Variants in GFRA1 observed in about 807,000 individuals in gnomAD.
GFRA1 encodes GDNF family receptor alpha-1.
A neutral mutation model predicts 51.6 loss-of-function variants in GFRA1; 16 were observed. The observed-to-expected ratio is 0.31, with a 90% CI of 0.21 to 0.47. The LOEUF is 0.47. Among genes scored for constraint, GFRA1 ranks in the 20% least tolerant of loss-of-function variants. The pLI, the probability that GFRA1 is intolerant of heterozygous loss-of-function variation, is 1.00. For synonymous variants in GFRA1, 270 were observed against 241.3 expected, an observed-to-expected ratio of 1.12 and a Z score of -1.10; for missense variants, 530 against 594.3, an observed-to-expected ratio of 0.89 and a Z score of 1.13.
intron 6 of GFRA1, among the ~76,000 whole-genome samples, chr10:116,107,687 A>G (rs1482307765): frequency 6.6e-6 from 1 of 152,168 alleles, no homozygotes; most frequent in Admixed American, 6.5e-5. Context: ...TTCATTTAAG[A>G]AGGTGCTGTC....
chr10:116,262,121 A>G (rs1969345902), intron 4 of GFRA1, among the ~76,000 whole-genome samples: 3 of 152,234 alleles, frequency 2.0e-5, no homozygotes, highest in African/African-American at 7.2e-5. Flanking sequence ...GAAATACTTC[A>G]GAGGACTAAG....
intron 5 of GFRA1, among the ~76,000 whole-genome samples, chr10:116,202,638 T>C (rs1964427581): frequency 6.6e-6 from 1 of 152,098 alleles, no homozygotes; most frequent in African/African-American, 2.4e-5. Context: ...AGCAAGCATG[T>C]CTTACCATGG....
At chr10:116,077,691 T>C (rs1238110850) in intron 9 of GFRA1, among the ~76,000 whole-genome samples, 1 of 152,224 alleles carries the variant, frequency 6.6e-6, no homozygotes, top group Non-Finnish European at 1.5e-5. Flanking sequence ...TTTGCTACAA[T>C]GCAAACATGC....
intron 4 of GFRA1, among the ~76,000 whole-genome samples, chr10:116,220,920 CT>C (rs1416488754): frequency 2.6e-5 from 4 of 151,992 alleles, no homozygotes; most frequent in Admixed American, 6.5e-5. Context: ...TGTACATCTC[CT>C]TGGTGCCCTA....
chr10:116,091,781 G>A (rs532306855), intron 8 of GFRA1, among the ~76,000 whole-genome samples: 21 of 152,258 alleles, frequency 1.4e-4, no homozygotes, highest in Admixed American at 1.3e-3. Flanking sequence ...TGTGTCTTTG[G>A]GGCTCTGTGC....
intron 5 of GFRA1, among the ~76,000 whole-genome samples, chr10:116,135,812 A>G (rs1442756859): frequency 6.6e-6 from 1 of 152,160 alleles, no homozygotes; most frequent in African/African-American, 2.4e-5. Context: ...TCATAAAACC[A>G]TAATTGGATT....
intron 5 of GFRA1, among the ~76,000 whole-genome samples, chr10:116,197,010 G>C (rs1439875612): frequency 6.6e-6 from 1 of 151,054 alleles, no homozygotes; most frequent in African/African-American, 2.4e-5. Context: ...TCTTCATGTG[G>C]CCTTCTCTCC....
At chr10:116,100,053 T>C (rs1956757346) in intron 6 of GFRA1, among the ~76,000 whole-genome samples, 1 of 152,340 alleles carries the variant, frequency 6.6e-6, no homozygotes, top group Admixed American at 6.5e-5. Context: ...AAGGTTTTAC[T>C]ATTACACAGC....
At chr10:116,123,605 G>C (rs528820531) in intron 6 of GFRA1, among the ~76,000 whole-genome samples, 2 of 152,254 alleles carry the variant, frequency 1.3e-5, no homozygotes, top group East Asian at 3.9e-4. Flanking sequence ...TTCTGCTCTT[G>C]GCTTTTTAGA....
intron 4 of GFRA1, among the ~76,000 whole-genome samples, chr10:116,251,963 C>CT (rs3032041): frequency 0.012 from 975 of 79,798 alleles, 36 homozygotes; most frequent in African/African-American, 0.034. Context: ...CAATAGGCCT[C>CT]TTTTTTTTTT....
Position 116,057,374 on chromosome 10 carries a change from A to G in GFRA1, c.*7024T>C, listed in dbSNP as rs1954592352. ...GTCTGAACCCCTCACTCAGGAATGA[A>G]TTCTAAAAATACCCTAAAAATCAGA... On this transcript the variant is annotated 3_prime_UTR_variant, in exon 11 of 11. Transcript: ENST00000355422. The G allele has an allele frequency of 6.6e-6, 1 of 152,164 alleles. No homozygotes were observed. Among genetic ancestry groups the G allele is most frequent in the Non-Finnish European group, 1.5e-5 (1 of 68,042 alleles). 9.4% of individuals were successfully genotyped at this position (152,164 alleles called of 1,614,324 possible). A position where few individuals can be genotyped will look rare whatever the true frequency, so the allele number is the denominator to read the frequency against.
rs930055324 is a variant in GFRA1, at chr10:116,258,491, A to AAT, written c.418+11010_418+11011dup. Among the ~76,000 whole-genome samples, 60 of 149,072 alleles carry AAT rather than the reference A, an allele frequency of 4.0e-4. 1 individual carries two copies. Among genetic ancestry groups the AAT allele is most frequent in the African/African-American group, 1.4e-3 (57 of 41,002 alleles). ...AATATATACGTAACATATATAATGTAATATATATATTATATGCATCATATA... is the reference window on the plus strand; with the variant it reads ...AATATATACGTAACATATATAATGTAATATATATATATTATATGCATCATATA... On this transcript the variant is annotated intron_variant, in intron 4 of 10. Coordinates refer to ENST00000355422, the MANE Select transcript of GFRA1 (RefSeq NM_005264.8).
intron 5 of GFRA1, among the ~76,000 whole-genome samples, chr10:116,184,228 A>G (rs1270477256): frequency 6.6e-6 from 1 of 152,232 alleles, no homozygotes; most frequent in East Asian, 1.9e-4. Flanking sequence ...TGGCTTATGA[A>G]ATCTCCAGGC....
At chr10:116,093,963 G>T in intron 7 of GFRA1, 127 bp from the exon 8 acceptor site, 2 of 866,004 alleles carry the variant, frequency 2.3e-6, no homozygotes, top group Non-Finnish European at 1.9e-6. Flanking sequence ...TTTGCTGAGT[G>T]GGAAATTATG....
intron 5 of GFRA1, among the ~76,000 whole-genome samples, chr10:116,209,144 A>G (rs1434378010): frequency 6.6e-6 from 1 of 152,188 alleles, no homozygotes; most frequent in East Asian, 1.9e-4. Flanking sequence ...AAGCTATAAA[A>G]TGACATGAGA....
At chr10:116,249,017 G>C (rs1401522035) in intron 4 of GFRA1, among the ~76,000 whole-genome samples, 1 of 152,152 alleles carries the variant, frequency 6.6e-6, no homozygotes, top group Non-Finnish European at 1.5e-5. Context: ...GACATGTCCG[G>C]TCTCATCTCA....
intron 4 of GFRA1, among the ~76,000 whole-genome samples, chr10:116,234,450 G>T (rs1005128763): frequency 6.6e-6 from 1 of 152,102 alleles, no homozygotes; most frequent in Non-Finnish European, 1.5e-5. Flanking sequence ...TTCAACTTAG[G>T]ATACACAGCA....
chr10:116,170,704 G>A (rs1399302112), intron 5 of GFRA1, among the ~76,000 whole-genome samples: 3 of 152,006 alleles, frequency 2.0e-5, no homozygotes, highest in Non-Finnish European at 4.4e-5. Context: ...TTTTCAACCC[G>A]GTCTTAATAA....
chr10:116,167,223 G>T lies in GFRA1; in HGVS notation c.434-41666C>A, dbSNP rs115715777. 1.9e-3 allele frequency among the ~76,000 whole-genome samples: 293 copies of T among 152,176 alleles called. 1 individual carries two copies. The highest frequency in any genetic ancestry group is 6.7e-3 in the African/African-American group (280 of 41,526). ...TTCAAGGTTTTCCTAATTTGCCAAC[G>T]GCTCCAAAAGTCTTTCCCAAATGAA... On this transcript the variant is annotated intron_variant, in intron 5 of 10. Coordinates refer to ENST00000355422, the MANE Select transcript of GFRA1 (RefSeq NM_005264.8).
Sources: gnomAD v4.1 joint callset for allele counts (sites outside exome capture counted in the v4.1 genomes callset) on GRCh38, gnomAD v4.1.1 for gene constraint, MANE v1.5 for transcripts, NCBI Gene and HGNC (gene_info 2026-07-23, HGNC 2026-07-21) for gene names.